HLA-G: variants seen among roughly 807,000 people sequenced by gnomAD.
HLA-G encodes HLA class I histocompatibility antigen, alpha chain G.
A neutral mutation model predicts 39.3 loss-of-function variants in HLA-G; 34 were observed. The ratio of observed to expected loss-of-function variants is 0.86; its 90% CI spans 0.66 to 1.15. HLA-G has a LOEUF of 1.15. HLA-G is among the 50% of genes most tolerant of loss of function. The probability of loss-of-function intolerance (pLI) is 0.00; values close to 1 mark genes in which losing one functional copy is unlikely to be tolerated. For synonymous variants in HLA-G, 183 were observed against 185.8 expected (o/e 0.99, Z 0.12); for missense variants, 419 against 456.4 (o/e 0.92, Z 0.75).
At chr6:29,829,307 C>T in intron 3 of HLA-G, 111 bp from the exon 4 acceptor site, 2 of 1,227,360 alleles carry the variant, frequency 1.6e-6, no homozygotes, top group Non-Finnish European at 2.3e-6. Flanking sequence ...TTCTGTGCTC[C>T]CTTCCCCACC....
At position 29,829,732 on chromosome 6, in the gene HLA-G, A is replaced by G. The variant is rs1196344802; in HGVS notation, c.895+39A>G. ...TGGAGGCATCATGTCTGTTAGGGAAAGCAGGAGCCTCTCTGAAGACCTTTA... is the reference window on the plus strand; with the variant it reads ...TGGAGGCATCATGTCTGTTAGGGAAGGCAGGAGCCTCTCTGAAGACCTTTA... On this transcript the variant is annotated intron_variant, in intron 4 of 6. Transcript: ENST00000360323. 13 of 1,607,970 alleles carry G rather than the reference A, an allele frequency of 8.1e-6. No homozygotes were observed. In the African/African-American group the frequency reaches 9.4e-5, roughly 12 times the overall value.
At chr6:29,827,296 T>C, upstream of HLA-G, 1 of 353,838 alleles carries the variant, frequency 2.8e-6, no homozygotes, top group Non-Finnish European at 5.5e-6. Context: ...TTTTCCAGAT[T>C]TAAGGGGGAA....
upstream of HLA-G, chr6:29,827,496 T>G: frequency 2.7e-6 from 1 of 370,642 alleles, no homozygotes; most frequent in Non-Finnish European, 5.2e-6. Flanking sequence ...TGCCGAGGGT[T>G]TCTCCCTGGT....
Position 29,828,566 on chromosome 6 carries a change from A to T in HLA-G, c.367A>T (p.Ile123Phe), listed in dbSNP as rs200575956. Reference protein sequence around the residue: ...EASSHTLQWMIGCDLGSDGRL... With the variant: ...EASSHTLQWMFGCDLGSDGRL... ...AGGTTCTCACACCCTCCAGTGGATG[A>T]TTGGCTGCGACCTGGGGTCCGACGG... Residue 123 changes from isoleucine to phenylalanine, a missense_variant, in exon 3 of 7, where the codon ATT (isoleucine) becomes TTT (phenylalanine). Ile to Phe is a conservative substitution (Grantham distance 21). Around this residue, in one of 2 missense-constraint regions of HLA-G, gnomAD observed 328 missense variants for 323.0 expected, o/e 1.02. Coordinates refer to ENST00000360323, the MANE Select transcript of HLA-G (RefSeq NM_001384290.1). 3.6e-5 allele frequency: 58 copies of T among 1,612,760 alleles called. No individual in the cohort carries two copies. Among genetic ancestry groups the T allele is most frequent in the Non-Finnish European group, 4.6e-5 (54 of 1,179,888 alleles).
At chr6:29,827,692 T>C, upstream of HLA-G, 2 of 777,568 alleles carry the variant, frequency 2.6e-6, no homozygotes, top group Non-Finnish European at 4.5e-6. Flanking sequence ...TCCTAACCTG[T>C]GTCGGGTCCT....
chr6:29,829,053 T>C (rs1349351636), intron 3 of HLA-G, among the ~76,000 whole-genome samples: 2 of 151,776 alleles, frequency 1.3e-5, no homozygotes, highest in Non-Finnish European at 2.9e-5. Flanking sequence ...GGGAAGACAA[T>C]CCCTGGAAGA....
intron 2 of HLA-G, 73 bp from the exon 3 acceptor site, chr6:29,828,470 C>T: frequency 1.3e-6 from 2 of 1,570,272 alleles, no homozygotes; most frequent in Middle Eastern, 1.8e-4. Flanking sequence ...GGCGCCTTTA[C>T]CAAAATCCCC....
chr6:29,828,642 T>C lies in HLA-G; in HGVS notation c.443T>C (p.Leu148Pro). The change falls in exon 3 of 7, where the codon CTC becomes CCC. Residue 148 changes from leucine (L) to proline (P), a missense_variant. By Grantham distance (98) the Leu-to-Pro change is moderately conservative. This residue lies in a region of HLA-G where 328 missense variants were observed against 323.0 expected (regional missense o/e 1.02). Coordinates refer to ENST00000360323, the MANE Select transcript of HLA-G (RefSeq NM_001384290.1). Reference protein sequence around the residue: ...EQYAYDGKDYLALNEDLRSWT... With the variant: ...EQYAYDGKDYPALNEDLRSWT... ...TATGCCTACGATGGCAAGGATTACCTCGCCCTGAACGAGGACCTGCGCTCC... is the reference window on the plus strand; with the variant it reads ...TATGCCTACGATGGCAAGGATTACCCCGCCCTGAACGAGGACCTGCGCTCC... The C allele has an allele frequency of 6.2e-7, 1 of 1,613,070 alleles. No individual in the cohort carries two copies. Among genetic ancestry groups the C allele is most frequent in the Non-Finnish European group, 8.5e-7 (1 of 1,179,996 alleles).
intron 4 of HLA-G, 54 bp from the exon 5 acceptor site, chr6:29,829,762 G>A (rs1376224909): frequency 6.2e-7 from 1 of 1,604,136 alleles, no homozygotes; most frequent in Non-Finnish European, 8.5e-7. Flanking sequence ...CCTTTAACAG[G>A]GTCGGTGGTG....
At position 29,830,939 on chromosome 6, in the gene HLA-G, G is replaced by A. The variant is rs1761228627; in HGVS notation, c.*200G>A. ...CCTTTCCTGTTCCAGAAAAGGGGCT[G>A]GGATGTCTCCGTCTCTGTCTCAAAT... is the stretch of plus-strand genomic sequence containing the variant. On this transcript the variant is annotated 3_prime_UTR_variant, in exon 7 of 7. Coordinates refer to ENST00000360323, the MANE Select transcript of HLA-G (RefSeq NM_001384290.1). The A allele has an allele frequency of 3.9e-6, 1 of 258,258 alleles. No homozygotes were observed. Among genetic ancestry groups the A allele is most frequent in the African/African-American group, 2.3e-5 (1 of 44,348 alleles). The allele number at this position is 258,258 out of a possible 1,614,324, so 16.0% of individuals were successfully genotyped here.
chr6:29,827,790 C>A, upstream of HLA-G: 1 of 1,555,606 alleles, frequency 6.4e-7, no homozygotes, highest in Admixed American at 1.7e-5. Context: ...CGCCGCGGTC[C>A]TGGTTCTAAA....
upstream of HLA-G, chr6:29,826,935 G>T: frequency 2.1e-6 from 1 of 475,234 alleles, no homozygotes. Context: ...ACTGTGAGGT[G>T]AATAAAGTTT....
At chr6:29,830,142 T>C (rs1562472829) in intron 5 of HLA-G, among the ~76,000 whole-genome samples, 2 of 152,162 alleles carry the variant, frequency 1.3e-5, no homozygotes, top group Non-Finnish European at 1.5e-5. Flanking sequence ...ATTGTAGTGA[T>C]GGGGACCTGA....
chr6:29,828,761 T>A lies in HLA-G; in HGVS notation c.562T>A (p.Cys188Ser), dbSNP rs780697086. 1.9e-6 allele frequency: 3 copies of A among 1,613,972 alleles called. No individual in the cohort carries two copies. The Admixed American group carries it at 5.0e-5, about 27-fold the overall frequency. Residue 188 changes from cysteine (C) to serine (S), a missense_variant, in exon 3 of 7, where the codon TGC becomes AGC. This residue lies in a region of HLA-G where 328 missense variants were observed against 323.0 expected (regional missense o/e 1.02). Transcript: ENST00000360323. ...EQRRAYLEGTCVEWLHRYLEN... is the reference protein window; with the variant it reads ...EQRRAYLEGTSVEWLHRYLEN... ...AAGGAGAGCCTACCTGGAGGGCACGTGCGTGGAGTGGCTCCACAGATACCT... is the reference window on the plus strand; with the variant it reads ...AAGGAGAGCCTACCTGGAGGGCACGAGCGTGGAGTGGCTCCACAGATACCT...
At chr6:29,827,977 CG>C in intron 1 of HLA-G, 60 bp downstream of exon 1, 2 of 1,588,072 alleles carry the variant, frequency 1.3e-6, no homozygotes, top group South Asian at 1.1e-5. Flanking sequence ...GCCGGCCCGG[CG>C]GGGGCGCAGG....
intron 3 of HLA-G, among the ~76,000 whole-genome samples, 173 bp downstream of exon 3, chr6:29,828,991 T>C (rs1632940): frequency 0.76 from 115,562 of 151,722 alleles, 44,260 homozygotes; most frequent in East Asian, 0.96. Flanking sequence ...ATTCTGAGGG[T>C]CCGTCCTGCT....
intron 3 of HLA-G, 26 bp downstream of exon 3, chr6:29,828,844 C>T (rs1286634103): frequency 1.2e-6 from 2 of 1,613,900 alleles, no homozygotes; most frequent in South Asian, 2.2e-5. Context: ...GGGCGCCTCC[C>T]TGATCTCCTG....
upstream of HLA-G, chr6:29,827,257 C>T (rs1361140358): frequency 8.2e-6 from 3 of 366,552 alleles, no homozygotes; most frequent in African/African-American, 2.1e-5. Context: ...AAACTGGTCT[C>T]TATTCTATCT....
chr6:29,829,293 T>C (rs1178072957), intron 3 of HLA-G, 125 bp from the exon 4 acceptor site: 5 of 1,063,144 alleles, frequency 4.7e-6, no homozygotes, highest in Non-Finnish European at 7.0e-6. Context: ...GGCTGGTGTC[T>C]GGGTTCTGTG....
Sources: gnomAD v4.1 joint callset for allele counts (sites outside exome capture counted in the v4.1 genomes callset) on GRCh38, gnomAD v4.1.1 for gene constraint, gnomAD v4.1.1 regional missense constraint, MANE v1.5 for transcripts, NCBI Gene and HGNC (gene_info 2026-07-23, HGNC 2026-07-21) for gene names.